FRYL: variants seen among roughly 807,000 people sequenced by gnomAD.
FRYL encodes the protein protein furry homolog-like.
FRYL carries 150 observed loss-of-function variants against 351.2 expected under a neutral mutation model. The ratio of observed to expected loss-of-function variants is 0.43; its 90% CI spans 0.37 to 0.49. The LOEUF (loss-of-function observed/expected upper bound fraction) is 0.49. Ranked by LOEUF, FRYL falls within the 20% of genes least tolerant of loss-of-function variation. The pLI is 0.00. For missense variants in FRYL, 3,036 were observed against 3,619.3 expected (o/e 0.84, Z 4.13); for synonymous variants, 1,153 against 1,257.1 (o/e 0.92, Z 1.75).
At chr4:48,771,793 T>C (rs1245009420) in intron 1 of FRYL, among the ~76,000 whole-genome samples, 4 of 152,204 alleles carry the variant, frequency 2.6e-5, no homozygotes, top group Admixed American at 2.6e-4. Context: ...GTCATTTTTA[T>C]CCACCATTCA....
chr4:48,777,774 T>G (rs184830790), intron 1 of FRYL, among the ~76,000 whole-genome samples: 1 of 152,166 alleles, frequency 6.6e-6, no homozygotes, highest in South Asian at 2.1e-4. Flanking sequence ...CCTTTTATTA[T>G]GAGATGGGAA....
At chr4:48,656,523 T>C (rs1212869985) in intron 3 of FRYL, among the ~76,000 whole-genome samples, 1 of 124,118 alleles carries the variant, frequency 8.1e-6, no homozygotes, top group East Asian at 2.2e-4. Flanking sequence ...TATAGTAATG[T>C]ATACATATAT....
intron 3 of FRYL, among the ~76,000 whole-genome samples, chr4:48,647,252 T>C (rs1158333590): frequency 6.6e-6 from 1 of 152,154 alleles, no homozygotes; most frequent in Non-Finnish European, 1.5e-5. Flanking sequence ...AAACTCCCCA[T>C]CTTAGCACAG....
intron 35 of FRYL, among the ~76,000 whole-genome samples, chr4:48,555,186 G>A (rs1371461525): frequency 6.6e-6 from 1 of 151,932 alleles, no homozygotes; most frequent in East Asian, 1.9e-4. Flanking sequence ...TTTTCATTTG[G>A]CCTCTTAAAA....
chr4:48,670,362 G>T (rs1307494934), intron 3 of FRYL, among the ~76,000 whole-genome samples: 3 of 151,818 alleles, frequency 2.0e-5, no homozygotes, highest in Non-Finnish European at 4.4e-5. Flanking sequence ...GAACCCGAGA[G>T]GAGGAGGCTG....
chr4:48,750,406 A>G (rs991750815), intron 1 of FRYL, among the ~76,000 whole-genome samples: 15 of 152,026 alleles, frequency 9.9e-5, no homozygotes, highest in African/African-American at 3.6e-4. Context: ...GGCTGCAGTG[A>G]GTTGAGATTA....
Position 48,619,332 on chromosome 4 carries a change from C to A in FRYL, c.353G>T (p.Arg118Met). Residue 118 changes from arginine to methionine, a missense_variant, in exon 7 of 64, where the codon AGG becomes ATG. Arg to Met is a moderately conservative substitution (Grantham distance 91, BLOSUM62 -1). Coordinates refer to ENST00000358350, the MANE Select transcript of FRYL (RefSeq NM_015030.2). ...QQRERDYLLE[R>M]RDLAVDFIFC... ...AATGAAGTCTACTGCTAAGTCCCTCCTTTCAAGAAGATAATCTCTTTCACG... is the reference window on the plus strand; with the variant it reads ...AATGAAGTCTACTGCTAAGTCCCTCATTTCAAGAAGATAATCTCTTTCACG... The A allele has an allele frequency of 6.3e-7, 1 of 1,598,548 alleles. No homozygotes were observed. Among genetic ancestry groups the A allele is most frequent in the Non-Finnish European group, 8.5e-7 (1 of 1,175,268 alleles).
At chr4:48,571,077 T>C (rs1738218450) in intron 26 of FRYL, among the ~76,000 whole-genome samples, 159 bp from the exon 27 acceptor site, 1 of 152,308 alleles carries the variant, frequency 6.6e-6, no homozygotes, top group Non-Finnish European at 1.5e-5. Flanking sequence ...CAAAGAGGTA[T>C]GAGTGAACAG....
intron 7 of FRYL, among the ~76,000 whole-genome samples, chr4:48,615,145 A>G (rs1476594194): frequency 6.6e-6 from 1 of 152,170 alleles, no homozygotes; most frequent in African/African-American, 2.4e-5. Flanking sequence ...CTTTTATCAC[A>G]TTATGAAAGT....
intron 1 of FRYL, among the ~76,000 whole-genome samples, chr4:48,731,463 C>G (rs1024083173): frequency 2.6e-5 from 4 of 152,166 alleles, no homozygotes; most frequent in Admixed American, 6.6e-5. Flanking sequence ...CCAAAAAGAG[C>G]CTGCATAGCC....
intron 1 of FRYL, among the ~76,000 whole-genome samples, chr4:48,756,935 G>C (rs1448665294): frequency 6.6e-6 from 1 of 152,172 alleles, no homozygotes; most frequent in Non-Finnish European, 1.5e-5. Context: ...GCTACGGAGT[G>C]AGACTCTGTC....
At chr4:48,511,127 T>C (rs1051489034) in intron 57 of FRYL, 143 bp from the exon 58 acceptor site, 1 of 534,956 alleles carries the variant, frequency 1.9e-6, no homozygotes, top group African/African-American at 2.0e-5. Flanking sequence ...TATAAATCCA[T>C]ATTTTTAGGT....
chr4:48,779,287 G>C (rs1161542296), intron 1 of FRYL, among the ~76,000 whole-genome samples: 1 of 152,202 alleles, frequency 6.6e-6, no homozygotes, highest in East Asian at 1.9e-4. Flanking sequence ...CCGGTGCCGA[G>C]GCTGAGAGCA....
At position 48,567,650 on chromosome 4, in the gene FRYL, A is replaced by G. The variant is rs1201646721; in HGVS notation, c.2997-230T>C. Among the ~76,000 whole-genome samples the G allele has an allele frequency of 2.0e-5, 3 of 152,220 alleles. No individual in the cohort carries two copies. Among genetic ancestry groups the G allele is most frequent in the African/African-American group, 7.2e-5 (3 of 41,452 alleles). On this transcript the variant is annotated intron_variant, in intron 27 of 63. Transcript: ENST00000358350. The surrounding 1 kb of genome is among the most constrained non-coding windows in gnomAD (Gnocchi z 4.2). ...ATTGCAATTTATATTATTCAACTCC[A>G]TATCTAACTTAAATCAACTCAGTGC...
intron 1 of FRYL, among the ~76,000 whole-genome samples, chr4:48,771,771 GA>G (rs1775537431): frequency 9.0e-6 from 1 of 110,706 alleles, no homozygotes; most frequent in Non-Finnish European, 1.9e-5. Flanking sequence ...TCCTCACCCA[GA>G]AGAACATGCT....
intron 14 of FRYL, 84 bp downstream of exon 14, chr4:48,595,813 A>G: frequency 1.8e-6 from 2 of 1,130,646 alleles, no homozygotes; most frequent in Admixed American, 2.4e-5. Context: ...CCCACAAAGT[A>G]TAATGTTTAC....
At chr4:48,710,346 G>C (rs1249335145) in intron 2 of FRYL, among the ~76,000 whole-genome samples, 173 bp downstream of exon 2, 1 of 152,188 alleles carries the variant, frequency 6.6e-6, no homozygotes, top group Non-Finnish European at 1.5e-5. Context: ...TCATAAACAT[G>C]CATGTTCTGT....
intron 23 of FRYL, among the ~76,000 whole-genome samples, chr4:48,577,563 AT>A (rs1739901584): frequency 1.3e-5 from 2 of 152,204 alleles, no homozygotes; most frequent in Non-Finnish European, 2.9e-5. Flanking sequence ...ACAATGTCAG[AT>A]GGTGCTAAGT....
At chr4:48,524,658 C>A (rs1725619839) in intron 53 of FRYL, among the ~76,000 whole-genome samples, 1 of 152,074 alleles carries the variant, frequency 6.6e-6, no homozygotes, top group Non-Finnish European at 1.5e-5. Flanking sequence ...CTCCACCCCA[C>A]CCCTGATTAC....
Sources: allele counts gnomAD v4.1 joint callset (sites outside exome capture counted in the v4.1 genomes callset), GRCh38; gene constraint gnomAD v4.1.1; non-coding constraint Gnocchi (gnomAD v3.1); transcripts MANE v1.5; gene names NCBI Gene and HGNC (gene_info 2026-07-23, HGNC 2026-07-21).